Variants in OGG1 observed in about 807,000 individuals in gnomAD.
The protein encoded by OGG1 is 8-oxoguanine DNA glycosylase, also known as N-glycosylase/DNA lyase.
Under a neutral mutation model 42.3 loss-of-function variants are expected in OGG1, and 35 were observed. The observed-to-expected ratio is 0.83, with a 90% confidence interval of 0.63 to 1.10. OGG1 has a LOEUF of 1.10. Among genes scored for constraint, OGG1 ranks in the 50% least tolerant of loss-of-function variants. The pLI is 0.00. For synonymous variants in OGG1, 189 were observed against 179.0 expected, an observed-to-expected ratio of 1.06 and a Z score of -0.44; for missense variants, 484 against 446.7, an observed-to-expected ratio of 1.08 and a Z score of -0.75.
At position 9,757,369 on chromosome 3, in the gene OGG1, C is replaced by T. The variant is rs758929412; in HGVS notation, c.*219C>T. On this transcript the variant is annotated 3_prime_UTR_variant, in exon 7 of 7. Transcript: ENST00000344629. This position sits in a 1 kb window ranked among gnomAD's most constrained non-coding sequence, Gnocchi z 4.5. ...GGATGGTTTTATCTTCCCTTTATTA[C>T]AAGAAGGAACAATAAAATAGAAACA... 1.2e-6 allele frequency: 2 copies of T among 1,613,536 alleles called. No individual in the cohort carries two copies. Among genetic ancestry groups the T allele is most frequent in the South Asian group, 2.2e-5 (2 of 91,052 alleles).
intron 2 of OGG1, chr3:9,780,110 G>T: frequency 7.5e-6 from 3 of 397,922 alleles, no homozygotes; most frequent in Non-Finnish European, 1.3e-5. Flanking sequence ...ACCCAGAAAC[G>T]AAGTCCCCTC....
downstream of OGG1, among the ~76,000 whole-genome samples, chr3:9,789,075 A>G (rs1030183383): frequency 6.6e-6 from 1 of 152,140 alleles, no homozygotes; most frequent in Admixed American, 6.5e-5. Context: ...AGCTCAAGCA[A>G]TCTGCCCGCC....
At chr3:9,761,010 C>T, downstream of OGG1, 1 of 499,156 alleles carries the variant, frequency 2.0e-6, no homozygotes, top group Non-Finnish European at 3.6e-6. Flanking sequence ...CTATGCCACT[C>T]TTTCCCCACA....
intron 3 of OGG1, chr3:9,783,726 C>T (rs576585049): frequency 8.0e-6 from 2 of 250,576 alleles, no homozygotes; most frequent in South Asian, 7.9e-5. Context: ...TGCAGTGAGC[C>T]GAGATCATGC....
rs142136289 is a variant in OGG1 at position 9,787,218 on chromosome 3, C to T, written c.383-510C>T. 4.4e-5 allele frequency: 71 copies of T among 1,614,178 alleles called. No individual in the cohort carries two copies. The Admixed American group carries it at 9.5e-4, about 22-fold the overall frequency. On this transcript the variant is annotated intron_variant, in intron 3 of 3. Coordinates refer to the OGG1 transcript ENST00000426518. ...GCCTACCTTTAGTGTCCAGTTCGGT[C>T]AGTGGCCCCATGAGGCCTTTCTTCT...
exon 8 of OGG1, chr3:9,766,486 A>G: frequency 2.5e-6 from 1 of 405,040 alleles, no homozygotes; most frequent in Non-Finnish European, 4.4e-6. Context: ...GGGTCAAAAA[A>G]AAGAAAAAAA....
At position 9,781,602 on chromosome 3, in the gene OGG1, T is replaced by C; in HGVS notation, c.382+2T>C. The C allele has an allele frequency of 2.2e-6, 1 of 455,992 alleles. No homozygotes were observed. Among genetic ancestry groups the C allele is most frequent in the Non-Finnish European group, 4.4e-6 (1 of 226,500 alleles). 28.2% of individuals were successfully genotyped at this position (455,992 alleles called of 1,614,324 possible). A position where few individuals can be genotyped will look rare whatever the true frequency, so the allele number is the denominator to read the frequency against. On this transcript the variant is annotated splice_donor_variant, in intron 3 of 3. Coordinates refer to the OGG1 transcript ENST00000426518. LOFTEE classifies it high-confidence loss of function. ...TAGGCAGCCTGAGGCTGACAGGAGG[T>C]GGGTGAGACACCAGATCAATCTCTC...
chr3:9,763,284 T>C (rs1575244000), intron 7 of OGG1: 2 of 1,599,104 alleles, frequency 1.3e-6, no homozygotes, highest in East Asian at 4.5e-5. Flanking sequence ...ACTTGGGAAC[T>C]TGGGAGGCTG....
At chr3:9,763,285 TG>T in intron 7 of OGG1, 1 of 1,598,066 alleles carries the variant, frequency 6.3e-7, no homozygotes, top group African/African-American at 1.3e-5. Context: ...CTTGGGAACT[TG>T]GGAGGCTGAG....
intron 2 of OGG1, among the ~76,000 whole-genome samples, chr3:9,781,130 C>CA (rs931672265): frequency 2.5e-4 from 35 of 139,966 alleles, no homozygotes; most frequent in South Asian, 6.8e-4. Context: ...ACTGTGTCTT[C>CA]AAAAAAAAAA....
At chr3:9,770,343 C>A (rs1023746321), downstream of OGG1, among the ~76,000 whole-genome samples, 6 of 152,106 alleles carry the variant, frequency 3.9e-5, no homozygotes, top group African/African-American at 1.4e-4. Context: ...TCTCCGTGCC[C>A]TGAAGGGAAA....
chr3:9,769,456 C>T (rs2078246904), downstream of OGG1, among the ~76,000 whole-genome samples: 1 of 152,256 alleles, frequency 6.6e-6, no homozygotes, highest in East Asian at 1.9e-4. Flanking sequence ...GTGGACACCC[C>T]TCTGGAACAA....
downstream of OGG1, among the ~76,000 whole-genome samples, chr3:9,790,782 G>A (rs2078710425): frequency 6.6e-6 from 1 of 152,194 alleles, no homozygotes; most frequent in Non-Finnish European, 1.5e-5. Flanking sequence ...TAGGGAAACT[G>A]ACACTCAGAG....
intron 3 of OGG1, chr3:9,787,424 A>G (rs756609860): frequency 6.6e-7 from 1 of 1,509,894 alleles, no homozygotes; most frequent in East Asian, 2.3e-5. Flanking sequence ...CCTATCTTAT[A>G]TCTCTCTCAA....
At chr3:9,782,323 G>C (rs2078495209) in intron 3 of OGG1, among the ~76,000 whole-genome samples, 1 of 152,184 alleles carries the variant, frequency 6.6e-6, no homozygotes, top group South Asian at 2.1e-4. Context: ...TTTATTGACT[G>C]TGTGACCTTC....
downstream of OGG1, chr3:9,757,638 A>G (rs771951586): frequency 6.2e-7 from 1 of 1,614,118 alleles, no homozygotes; most frequent in South Asian, 1.1e-5. This position sits in a 1 kb window ranked among gnomAD's most constrained non-coding sequence, Gnocchi z 4.5. Context: ...GGGAAGACAG[A>G]ACAGAGGTGG....
downstream of OGG1, among the ~76,000 whole-genome samples, chr3:9,770,461 T>C (rs2078277100): frequency 3.3e-5 from 5 of 152,080 alleles, no homozygotes; most frequent in South Asian, 1.0e-3. Flanking sequence ...TCGCAGGGTG[T>C]GGGCCCCACT....
At chr3:9,763,993 AATATAT>A (rs146785722) in intron 7 of OGG1, among the ~76,000 whole-genome samples, 3 of 151,884 alleles carry the variant, frequency 2.0e-5, no homozygotes, top group Non-Finnish European at 4.4e-5. Flanking sequence ...TCTCAAAAAA[AATATAT>A]ATATATAGTT....
downstream of OGG1, chr3:9,789,974 C>T: frequency 6.3e-7 from 1 of 1,576,798 alleles, no homozygotes; most frequent in Non-Finnish European, 8.6e-7. Context: ...CTGAAATTTA[C>T]AGAAAGTGTC....
Sources: allele counts gnomAD v4.1 joint callset (sites outside exome capture counted in the v4.1 genomes callset), GRCh38; gene constraint gnomAD v4.1.1; non-coding constraint Gnocchi (gnomAD v3.1); transcripts MANE v1.5; gene names NCBI Gene and HGNC (gene_info 2026-07-23, HGNC 2026-07-21).